CNTNAP4: variants seen among roughly 807,000 people sequenced by gnomAD.
CNTNAP4 encodes the protein contactin-associated protein-like 4.
Under a neutral mutation model 148.4 loss-of-function variants are expected in CNTNAP4, and 98 were observed. The ratio of observed to expected loss-of-function variants is 0.66; its 90% CI spans 0.56 to 0.78. CNTNAP4 has a LOEUF of 0.78. Ranked by LOEUF, CNTNAP4 falls within the 30% of genes least tolerant of loss-of-function variation. CNTNAP4 has a pLI of 0.00. For missense variants in CNTNAP4, 1,935 were observed against 1,565.6 expected, an observed-to-expected ratio of 1.24 and a Z score of -3.98; for synonymous variants, 730 against 565.1, an observed-to-expected ratio of 1.29 and a Z score of -4.14.
intron 8 of CNTNAP4, among the ~76,000 whole-genome samples, chr16:76,458,991 A>G (rs950896485): frequency 2.0e-5 from 3 of 152,096 alleles, no homozygotes; most frequent in African/African-American, 4.8e-5. Context: ...TATTTTCATC[A>G]TATTTTATAA....
At chr16:76,545,695 A>G (rs2084689373) in intron 21 of CNTNAP4, among the ~76,000 whole-genome samples, 1 of 152,202 alleles carries the variant, frequency 6.6e-6, no homozygotes, top group Non-Finnish European at 1.5e-5. Context: ...GAATTTCAAA[A>G]ATAAAAAGGA....
In CNTNAP4 at chr16:76,392,395, C is replaced by A. The variant is rs551450605; in HGVS notation, c.391-35057C>A. ...TATGAACTCCCAAATCATTGGAAAG[C>A]CACAAACCTGGATATTAAGTATCTA... On this transcript the variant is annotated intron_variant, in intron 3 of 23. Transcript: ENST00000611870. Among the ~76,000 whole-genome samples, 8 of 152,136 alleles carry A rather than the reference C, an allele frequency of 5.3e-5. No homozygotes were observed. In the South Asian group the frequency reaches 1.5e-3, roughly 28 times the overall value.
At chr16:76,489,319 G>C (rs558791301) in intron 12 of CNTNAP4, among the ~76,000 whole-genome samples, 1 of 151,968 alleles carries the variant, frequency 6.6e-6, no homozygotes, top group East Asian at 1.9e-4. Context: ...CTTTCTTGCA[G>C]AGAAATAAAA....
chr16:76,340,856 C>T (rs1237238446), intron 2 of CNTNAP4, among the ~76,000 whole-genome samples: 1 of 152,172 alleles, frequency 6.6e-6, no homozygotes, highest in Non-Finnish European at 1.5e-5. Flanking sequence ...GTCTGCACTG[C>T]CAATCAGCAA....
intron 3 of CNTNAP4, among the ~76,000 whole-genome samples, chr16:76,419,483 C>G (rs778437619): frequency 6.6e-6 from 1 of 152,040 alleles, no homozygotes; most frequent in African/African-American, 2.4e-5. Flanking sequence ...GTGGAGCCCT[C>G]TAAGACTGTG....
chr16:76,472,026 C>G (rs914949082), intron 10 of CNTNAP4, among the ~76,000 whole-genome samples: 2 of 152,086 alleles, frequency 1.3e-5, no homozygotes, highest in African/African-American at 4.8e-5. Flanking sequence ...CAAAATCTTA[C>G]TATCACTTTA....
At chr16:76,452,432 A>G in intron 7 of CNTNAP4, 76 bp from the exon 8 acceptor site, 1 of 1,473,210 alleles carries the variant, frequency 6.8e-7, no homozygotes, top group South Asian at 1.2e-5. Context: ...GTGAGATTGA[A>G]AAGCAGCCTT....
intron 2 of CNTNAP4, among the ~76,000 whole-genome samples, chr16:76,336,625 G>A (rs1964050770): frequency 1.3e-5 from 2 of 152,178 alleles, no homozygotes; most frequent in African/African-American, 4.8e-5. Flanking sequence ...AAAAAGTAAA[G>A]TTAGGAATTT....
chr16:76,464,764 A>G (rs910803519), intron 9 of CNTNAP4, among the ~76,000 whole-genome samples: 1 of 152,188 alleles, frequency 6.6e-6, no homozygotes, highest in African/African-American at 2.4e-5. Flanking sequence ...TGTATATGCC[A>G]CACCAGACTT....
At chr16:76,491,381 G>A (rs7206446) in intron 13 of CNTNAP4, among the ~76,000 whole-genome samples, 95,547 of 152,096 alleles carry the variant, frequency 0.63, 30,414 homozygotes, top group East Asian at 0.76. Flanking sequence ...TTCATGAAAT[G>A]GACGAATGGT....
intron 1 of CNTNAP4, among the ~76,000 whole-genome samples, chr16:76,299,309 AC>A (rs1271716065): frequency 6.6e-6 from 1 of 152,230 alleles, no homozygotes; most frequent in Non-Finnish European, 1.5e-5. Context: ...CAAGAAAAAA[AC>A]AACCCCATCA....
chr16:76,321,903 G>C (rs1962459980), intron 2 of CNTNAP4, among the ~76,000 whole-genome samples: 1 of 151,796 alleles, frequency 6.6e-6, no homozygotes, highest in Non-Finnish European at 1.5e-5. Flanking sequence ...CTTTTGTACA[G>C]GATTGAAAAA....
chr16:76,397,345 A>C (rs2078238630), intron 3 of CNTNAP4, among the ~76,000 whole-genome samples: 1 of 152,024 alleles, frequency 6.6e-6, no homozygotes, highest in Admixed American at 6.6e-5. Context: ...CGAGCTACCA[A>C]TGTCAGGAGA....
intron 3 of CNTNAP4, among the ~76,000 whole-genome samples, chr16:76,360,601 C>G (rs1351435856): frequency 6.6e-6 from 1 of 152,206 alleles, no homozygotes; most frequent in East Asian, 1.9e-4. Flanking sequence ...AAACTTAATG[C>G]ACTGCAGTAC....
chr16:76,493,469 CTTAT>C (rs1429391156), intron 13 of CNTNAP4, among the ~76,000 whole-genome samples: 1 of 116,296 alleles, frequency 8.6e-6, no homozygotes, highest in Non-Finnish European at 1.8e-5. Context: ...CATTCCTTTA[CTTAT>C]TTAAATTCCT....
chr16:76,545,585 T>TA (rs57344497), intron 21 of CNTNAP4, among the ~76,000 whole-genome samples: 6 of 151,492 alleles, frequency 4.0e-5, no homozygotes, highest in East Asian at 1.9e-4. Context: ...CTACTTACAC[T>TA]AAAAAAAAAT....
At chr16:76,277,851 C>A (rs1434700642) in intron 1 of CNTNAP4, 104 bp downstream of exon 1, 6 of 752,732 alleles carry the variant, frequency 8.0e-6, no homozygotes, top group Non-Finnish European at 1.1e-5. Context: ...TGCTGCAAAG[C>A]GTATTGCTGT....
In CNTNAP4 at chr16:76,360,901, C is replaced by G. The variant is rs1248724402; in HGVS notation, c.390+5390C>G. Among the ~76,000 whole-genome samples the G allele has an allele frequency of 6.7e-5, 10 of 149,466 alleles. No homozygotes were observed. In the East Asian group the frequency reaches 7.9e-4, roughly 12 times the overall value. On this transcript the variant is annotated intron_variant, in intron 3 of 23. Transcript: ENST00000611870. ...GCACGATCTCGGCTCACTGCAAGCTCCACCTCCTGGGTTCACACCATTCTC... is the reference window on the plus strand; with the variant it reads ...GCACGATCTCGGCTCACTGCAAGCTGCACCTCCTGGGTTCACACCATTCTC...
At chr16:76,304,653 C>G (rs1041811104) in intron 1 of CNTNAP4, among the ~76,000 whole-genome samples, 27 of 152,304 alleles carry the variant, frequency 1.8e-4, no homozygotes, top group Non-Finnish European at 3.2e-4. Flanking sequence ...TTAAATGGCT[C>G]TCTCAGAATG....
Sources: gnomAD v4.1 joint callset for allele counts (sites outside exome capture counted in the v4.1 genomes callset) on GRCh38, gnomAD v4.1.1 for gene constraint, MANE v1.5 for transcripts, NCBI Gene and HGNC (gene_info 2026-07-23, HGNC 2026-07-21) for gene names.